GALNT9: variants seen among roughly 807,000 people sequenced by gnomAD.
GALNT9 encodes polypeptide N-acetylgalactosaminyltransferase 9.
A neutral mutation model predicts 63.1 loss-of-function variants in GALNT9; 47 were observed. The ratio of observed to expected loss-of-function variants is 0.75; its 90% CI spans 0.59 to 0.95. The LOEUF is 0.95. Among genes scored for constraint, GALNT9 ranks in the 40% least tolerant of loss-of-function variants. The pLI, the probability that GALNT9 is intolerant of heterozygous loss-of-function variation, is 0.00. For missense variants in GALNT9, 829 were observed against 874.8 expected (o/e 0.95, Z 0.66); for synonymous variants, 396 against 365.7 (o/e 1.08, Z -0.94).
intron 5 of GALNT9, among the ~76,000 whole-genome samples, chr12:132,256,187 C>T (rs1399982838): frequency 1.3e-5 from 2 of 152,150 alleles, no homozygotes; most frequent in Non-Finnish European, 2.9e-5. Flanking sequence ...CACTGCTGCC[C>T]TGGAACTGTC....
chr12:132,329,293 A>T lies in GALNT9; in HGVS notation c.-90T>A. 6.8e-7 allele frequency: 1 copy of T among 1,468,802 alleles called. No homozygotes were observed. Among genetic ancestry groups the T allele is most frequent in the Non-Finnish European group, 9.0e-7 (1 of 1,105,804 alleles). The allele number at this position is 1,468,802 out of a possible 1,614,324, so 91.0% of individuals were successfully genotyped here. A position where few individuals can be genotyped will look rare whatever the true frequency, so the allele number is the denominator to read the frequency against. ...TTCAGCTTCGGCTTCGGGGACCATG[A>T]GCCGCCCGGGGCTGCGGGGGCTGCG... On this transcript the variant is annotated 5_prime_UTR_variant, in exon 1 of 11. Coordinates refer to ENST00000328957, the MANE Select transcript of GALNT9 (RefSeq NM_001122636.2).
chr12:132,203,708 T>C lies in GALNT9; in HGVS notation c.1078-18A>G, dbSNP rs1203867832. The C allele has an allele frequency of 6.2e-7, 1 of 1,606,804 alleles. No individual in the cohort carries two copies. Among genetic ancestry groups the C allele is most frequent in the East Asian group, 2.2e-5 (1 of 44,790 alleles). ...TGCCACACCTGCGGGGAGACGGCGC[T>C]GGGTGCCGGCGTCCTTCCCAACGGA... On this transcript the variant is annotated intron_variant, in intron 6 of 10. Coordinates refer to ENST00000328957, the MANE Select transcript of GALNT9 (RefSeq NM_001122636.2).
chr12:132,258,832 C>G (rs977463131), intron 4 of GALNT9, among the ~76,000 whole-genome samples: 15 of 152,198 alleles, frequency 9.9e-5, no homozygotes, highest in African/African-American at 3.4e-4. Flanking sequence ...GGTGAGATGG[C>G]CGCAGAGGCC....
chr12:132,197,657 G>T, intron 10 of GALNT9, 135 bp downstream of exon 10: 1 of 679,894 alleles, frequency 1.5e-6, no homozygotes, highest in Non-Finnish European at 2.5e-6. Context: ...GCTGATCCAA[G>T]GCCCGGTCCC....
chr12:132,212,979 G>A (rs963263463), intron 6 of GALNT9, among the ~76,000 whole-genome samples: 6 of 143,354 alleles, frequency 4.2e-5, no homozygotes, highest in African/African-American at 7.9e-5. Flanking sequence ...AACCCCACCC[G>A]GGTCTACAGC....
At position 132,236,676 on chromosome 12, in the gene GALNT9, G is replaced by A. The variant is rs2135528206; in HGVS notation, c.1077+11234C>T. Among the ~76,000 whole-genome samples the A allele has an allele frequency of 6.6e-6, 1 of 152,108 alleles. No individual in the cohort carries two copies. Among genetic ancestry groups the A allele is most frequent in the East Asian group, 1.9e-4 (1 of 5,184 alleles). On this transcript the variant is annotated intron_variant, in intron 6 of 10. Transcript: ENST00000328957. The surrounding 1 kb of genome is among the most constrained non-coding windows in gnomAD (Gnocchi z 5.6). ...GAAAACCAAAGCCATCCCGAAGATC[G>A]CCCAGCCTCGCAAGGTGTAAGGTTT...
chr12:132,224,525 CACCCCACAT>C (rs1294598522), intron 6 of GALNT9, among the ~76,000 whole-genome samples: 1 of 133,322 alleles, frequency 7.5e-6, no homozygotes, highest in African/African-American at 3.0e-5. Flanking sequence ...ACACCCCACA[CACCCCACAT>C]ACACCCCACA....
chr12:132,240,907 C>A (rs199899624), intron 6 of GALNT9, among the ~76,000 whole-genome samples: 73 of 91,818 alleles, frequency 8.0e-4, no homozygotes, highest in South Asian at 1.8e-3. Context: ...ACACCCTTCC[C>A]GGGGCCCTCC....
intron 8 of GALNT9, among the ~76,000 whole-genome samples, chr12:132,199,777 A>G (rs377159394): frequency 8.5e-4 from 130 of 152,340 alleles, no homozygotes; most frequent in African/African-American, 3.0e-3. Context: ...TCCAGCCTCC[A>G]GAACAGGCCC....
At chr12:132,240,495 G>A in intron 6 of GALNT9, 1 of 409,558 alleles carries the variant, frequency 2.4e-6, no homozygotes, top group Non-Finnish European at 4.8e-6. Context: ...TCGGACCCCG[G>A]GCGGCACTCA....
intron 5 of GALNT9, among the ~76,000 whole-genome samples, chr12:132,256,160 C>A (rs1435852029): frequency 6.6e-6 from 1 of 152,128 alleles, no homozygotes; most frequent in Non-Finnish European, 1.5e-5. Flanking sequence ...GTGACCCCAT[C>A]CTTTTCCAGC....
At chr12:132,210,227 TGCGCGTGGGCG>T (rs1876894290) in intron 6 of GALNT9, among the ~76,000 whole-genome samples, 1 of 152,216 alleles carries the variant, frequency 6.6e-6, no homozygotes, top group African/African-American at 2.4e-5. Flanking sequence ...GGGGCCCTGC[TGCGCGTGGGCG>T]TTGGGTCAAA....
At chr12:132,225,222 T>G (rs1243032491) in intron 6 of GALNT9, among the ~76,000 whole-genome samples, 1 of 118,008 alleles carries the variant, frequency 8.5e-6, no homozygotes, top group Non-Finnish European at 1.7e-5. Flanking sequence ...CTGCATATAC[T>G]CCATATACAC....
rs782037131 is a variant in GALNT9 at position 132,262,659 on chromosome 12, C to T, written c.420-34G>A. On this transcript the variant is annotated intron_variant, in intron 2 of 10. Coordinates refer to ENST00000328957, the MANE Select transcript of GALNT9 (RefSeq NM_001122636.2). ...AACACGGTTTGGGGTGCGGTCAGGG[C>T]GCAGCATGAGGGACCCCGGAAGCCA... 168 of 1,484,640 alleles carry T rather than the reference C, an allele frequency of 1.1e-4. 1 individual carries two copies. Among genetic ancestry groups the T allele is most frequent in the Middle Eastern group, 7.6e-4 (4 of 5,268 alleles). 92.0% of individuals were successfully genotyped at this position (1,484,640 alleles called of 1,614,324 possible). A position where few individuals can be genotyped will look rare whatever the true frequency, so the allele number is the denominator to read the frequency against.
intron 8 of GALNT9, chr12:132,200,872 G>A: frequency 1.9e-6 from 1 of 516,156 alleles, no homozygotes; most frequent in Non-Finnish European, 3.5e-6. Context: ...GGACATGTGG[G>A]TCTGCAGGTG....
At chr12:132,301,949 A>G (rs1348262731) in intron 1 of GALNT9, among the ~76,000 whole-genome samples, 2 of 152,208 alleles carry the variant, frequency 1.3e-5, no homozygotes, top group Non-Finnish European at 2.9e-5. Context: ...ACTAGGTAAC[A>G]TCCATCAGAC....
intron 2 of GALNT9, chr12:132,280,441 A>T (rs1555241579): frequency 6.6e-6 from 1 of 152,236 alleles, no homozygotes; most frequent in Non-Finnish European, 1.5e-5. Context: ...CTGGGTGAAA[A>T]CAGAACCTTG....
At chr12:132,225,898 ACCCACAC>A (rs1441471525) in intron 6 of GALNT9, among the ~76,000 whole-genome samples, 5 of 128,036 alleles carry the variant, frequency 3.9e-5, no homozygotes, top group Non-Finnish European at 3.3e-5. Context: ...ACACCCCACA[ACCCACAC>A]CCCACACACT....
Position 132,329,435 on chromosome 12 carries a change from T to G in GALNT9, c.-232A>C. The G allele has an allele frequency of 2.8e-6, 1 of 351,594 alleles. No homozygotes were observed. Among genetic ancestry groups the G allele is most frequent in the Non-Finnish European group, 4.4e-6 (1 of 226,298 alleles). The allele number at this position is 351,594 out of a possible 1,614,324, so 21.8% of individuals were successfully genotyped here. ...CTGGGGTCGCGGGGCGCGGCCGGCA[T>G]CCCCCGCTCAGAGGGCGCGGCCCCG... is the stretch of plus-strand genomic sequence containing the variant. On this transcript the variant is annotated 5_prime_UTR_variant, in exon 1 of 11. It removes an upstream start codon present in the reference 5' UTR. Coordinates refer to ENST00000328957, the MANE Select transcript of GALNT9 (RefSeq NM_001122636.2).
Sources: gnomAD v4.1 joint callset for allele counts (sites outside exome capture counted in the v4.1 genomes callset) on GRCh38, gnomAD v4.1.1 for gene constraint, Gnocchi (gnomAD v3.1) non-coding constraint, MANE v1.5 for transcripts, NCBI Gene and HGNC (gene_info 2026-07-23, HGNC 2026-07-21) for gene names.